Variants in ACCSL observed in about 807,000 individuals in gnomAD.
The protein encoded by ACCSL is probable inactive 1-aminocyclopropane-1-carboxylate synthase-like protein 2.
Under a neutral mutation model 61.7 loss-of-function variants are expected in ACCSL, and 55 were observed. That is an observed-to-expected ratio of 0.89 (90% CI 0.72 to 1.12). ACCSL has a LOEUF of 1.12. ACCSL is among the 50% of genes most tolerant of loss of function. The pLI, the probability that ACCSL is intolerant of heterozygous loss-of-function variation, is 0.00. For missense variants in ACCSL, 632 were observed against 698.0 expected (o/e 0.91, Z 1.07); for synonymous variants, 258 against 264.3 (o/e 0.98, Z 0.23).
the ACCSL span, among the ~76,000 whole-genome samples, chr11:43,950,810 G>A: frequency 6.6e-6 from 1 of 152,216 alleles, no homozygotes; most frequent in Non-Finnish European, 1.5e-5. Flanking sequence ...TATCACAGCT[G>A]AGGGTGCACA....
At chr11:44,056,157 G>C in intron 10 of ACCSL, 28 bp from the exon 11 acceptor site, 1 of 1,614,160 alleles carries the variant, frequency 6.2e-7, no homozygotes, top group Non-Finnish European at 8.5e-7. Flanking sequence ...CAAAACACTT[G>C]TTCCTGTTCC....
chr11:43,927,547 C>T, the ACCSL span, among the ~76,000 whole-genome samples: 1 of 152,224 alleles, frequency 6.6e-6, no homozygotes, highest in Non-Finnish European at 1.5e-5. Context: ...TACAGTTAAA[C>T]GGAGGCACAG....
chr11:43,930,560 A>G, the ACCSL span, among the ~76,000 whole-genome samples: 2 of 152,110 alleles, frequency 1.3e-5, no homozygotes, highest in African/African-American at 4.8e-5. Context: ...TCACTGTGTG[A>G]TATATGCCTG....
intron 7 of ACCSL, 145 bp downstream of exon 7, chr11:44,053,213 C>T (rs1952650675): frequency 2.3e-6 from 2 of 855,050 alleles, no homozygotes; most frequent in Non-Finnish European, 3.7e-6. Context: ...GGGTGTGTCC[C>T]TCTAGTCCTG....
chr11:44,011,192 T>C, the ACCSL span, among the ~76,000 whole-genome samples: 1 of 152,204 alleles, frequency 6.6e-6, no homozygotes, highest in African/African-American at 2.4e-5. Context: ...CCATGCTACC[T>C]TCATTTCCCA....
At chr11:43,999,226 T>C in the ACCSL span, among the ~76,000 whole-genome samples, 17 of 152,226 alleles carry the variant, frequency 1.1e-4, no homozygotes, top group African/African-American at 4.1e-4. Context: ...AGCCCCGCTC[T>C]AGGCATATCA....
the ACCSL span, among the ~76,000 whole-genome samples, chr11:43,960,636 C>T: frequency 2.0e-5 from 3 of 152,168 alleles, no homozygotes; most frequent in Admixed American, 6.5e-5. Context: ...CTGCTCACCT[C>T]GGCCTCCCAA....
chr11:44,042,885 G>A, the ACCSL span, among the ~76,000 whole-genome samples: 1 of 151,956 alleles, frequency 6.6e-6, no homozygotes, highest in African/African-American at 2.4e-5. Flanking sequence ...GATTGAAACT[G>A]GCCTGGGCAA....
At chr11:43,938,211 G>T in the ACCSL span, among the ~76,000 whole-genome samples, 1 of 152,140 alleles carries the variant, frequency 6.6e-6, no homozygotes, top group Non-Finnish European at 1.5e-5. Flanking sequence ...CTCTGGGGGG[G>T]TGACCCCTTA....
At chr11:43,963,859 A>G in the ACCSL span, among the ~76,000 whole-genome samples, 2 of 152,232 alleles carry the variant, frequency 1.3e-5, no homozygotes, top group African/African-American at 4.8e-5. Flanking sequence ...GAGTGACACT[A>G]TGATATATTA....
chr11:43,982,177 G>A, the ACCSL span, among the ~76,000 whole-genome samples: 1 of 151,358 alleles, frequency 6.6e-6, no homozygotes, highest in African/African-American at 2.4e-5. Context: ...TCCCTCAGAG[G>A]TGGTCCCAGA....
At chr11:44,015,325 G>A in the ACCSL span, among the ~76,000 whole-genome samples, 28 of 152,326 alleles carry the variant, frequency 1.8e-4, 1 homozygote, top group South Asian at 8.3e-4. Flanking sequence ...GGTTAAGCAC[G>A]TTGCTCAAAT....
chr11:43,953,195 G>T, the ACCSL span, among the ~76,000 whole-genome samples: 2 of 152,158 alleles, frequency 1.3e-5, no homozygotes, highest in African/African-American at 4.8e-5. Flanking sequence ...TGGCACAAGT[G>T]CAGGTCACAC....
the ACCSL span, among the ~76,000 whole-genome samples, chr11:44,003,141 G>T: frequency 6.6e-6 from 1 of 152,134 alleles, no homozygotes; most frequent in Non-Finnish European, 1.5e-5. Flanking sequence ...GGAGAAGCTG[G>T]TTTTTAAAAA....
At chr11:43,942,941 T>C in the ACCSL span, 18 of 1,464,498 alleles carry the variant, frequency 1.2e-5, no homozygotes, top group Admixed American at 4.3e-4. Flanking sequence ...GGGCATCTGC[T>C]CCAGTTACCA....
the ACCSL span, among the ~76,000 whole-genome samples, chr11:44,017,976 G>T: frequency 1.3e-5 from 2 of 152,242 alleles, no homozygotes; most frequent in African/African-American, 4.8e-5. Context: ...CATAAATTTG[G>T]ATGGCTCCCA....
At chr11:43,949,109 TCTGTGTGA>T in the ACCSL span, among the ~76,000 whole-genome samples, 1 of 152,184 alleles carries the variant, frequency 6.6e-6, no homozygotes, top group Non-Finnish European at 1.5e-5. Flanking sequence ...CCCAGCTCCT[TCTGTGTGA>T]CTGCACACAG....
At chr11:43,983,538 A>G in the ACCSL span, among the ~76,000 whole-genome samples, 1 of 152,136 alleles carries the variant, frequency 6.6e-6, no homozygotes, top group African/African-American at 2.4e-5. Flanking sequence ...CCAGAGAATG[A>G]TTGCATTGAG....
chr11:44,013,555 A>T, the ACCSL span, among the ~76,000 whole-genome samples: 1 of 152,186 alleles, frequency 6.6e-6, no homozygotes, highest in African/African-American at 2.4e-5. Flanking sequence ...GGCCTCCCAA[A>T]GTGCTGGGAT....
Sources: allele counts gnomAD v4.1 joint callset (sites outside exome capture counted in the v4.1 genomes callset), GRCh38; gene constraint gnomAD v4.1.1; transcripts MANE v1.5; gene names NCBI Gene and HGNC (gene_info 2026-07-23, HGNC 2026-07-21).